RIMS1: variants seen among roughly 807,000 people sequenced by gnomAD.
RIMS1 encodes regulating synaptic membrane exocytosis protein 1.
In RIMS1, 83 loss-of-function variants were observed where a neutral mutation model predicts 214.1. The observed-to-expected ratio is 0.39, with a 90% CI of 0.32 to 0.47. The LOEUF (loss-of-function observed/expected upper bound fraction) is 0.47, where lower values mean the gene tolerates loss of function less well. Ranked by LOEUF, RIMS1 falls within the 20% of genes least tolerant of loss-of-function variation. The pLI, the probability that RIMS1 is intolerant of heterozygous loss-of-function variation, is 0.99. For missense variants in RIMS1, 2,050 were observed against 2,161.8 expected, an observed-to-expected ratio of 0.95 and a Z score of 1.03; for synonymous variants, 793 against 786.8, an observed-to-expected ratio of 1.01 and a Z score of -0.13.
chr6:72,099,458 T>C (rs1037945075), intron 3 of RIMS1, among the ~76,000 whole-genome samples: 7 of 152,204 alleles, frequency 4.6e-5, no homozygotes, highest in African/African-American at 1.7e-4. Context: ...AAATAAATAT[T>C]GCCTGTGGAA....
At chr6:72,003,988 T>C (rs960373521) in intron 2 of RIMS1, among the ~76,000 whole-genome samples, 4 of 149,408 alleles carry the variant, frequency 2.7e-5, no homozygotes, top group African/African-American at 9.8e-5. Flanking sequence ...CATTTAGCAT[T>C]AGGTGTATCT....
At chr6:72,103,483 A>G (rs538767115) in intron 4 of RIMS1, among the ~76,000 whole-genome samples, 1 of 152,134 alleles carries the variant, frequency 6.6e-6, no homozygotes, top group Non-Finnish European at 1.5e-5. Flanking sequence ...TCAAGAAATT[A>G]TAATTTTTCA....
At chr6:72,215,278 C>T (rs1263907397) in intron 6 of RIMS1, among the ~76,000 whole-genome samples, 1 of 152,168 alleles carries the variant, frequency 6.6e-6, no homozygotes, top group Non-Finnish European at 1.5e-5. Context: ...AAATCTTCAC[C>T]ACCTCAAAAC....
chr6:72,182,325 C>T lies in RIMS1; in HGVS notation c.854C>T (p.Ala285Val), dbSNP rs1222175578. 6.2e-7 allele frequency: 1 copy of T among 1,610,488 alleles called. No homozygotes were observed. ...PGLSEQNGKG[A>V]LKSERKRVPK... ...CTTTCCGAGCAGAATGGCAAAGGAG[C>T]CCTGAAGAGCGAGCGGAAACGCGTG... Residue 285 changes from alanine (A) to valine (V), a missense_variant, in exon 6 of 34, where the codon GCC (alanine) becomes GTC (valine). Transcript: ENST00000521978.
At chr6:71,916,940 T>A (rs1001343035) in intron 1 of RIMS1, among the ~76,000 whole-genome samples, 5 of 152,160 alleles carry the variant, frequency 3.3e-5, no homozygotes, top group Admixed American at 1.3e-4. Context: ...TGACAGCCAA[T>A]GTTCCTACCC....
chr6:72,048,418 G>A (rs891843275), intron 2 of RIMS1, among the ~76,000 whole-genome samples: 1 of 152,114 alleles, frequency 6.6e-6, no homozygotes, highest in East Asian at 1.9e-4. Flanking sequence ...CAAAAGCACA[G>A]TATTCTTTAA....
intron 6 of RIMS1, among the ~76,000 whole-genome samples, chr6:72,225,622 CAAAT>C (rs1562768519): frequency 1.3e-5 from 2 of 152,136 alleles, no homozygotes; most frequent in South Asian, 2.1e-4. Context: ...ACAATGAAAA[CAAAT>C]AAACCCCAAT....
At chr6:71,986,425 AGAAG>A (rs548998985) in intron 2 of RIMS1, among the ~76,000 whole-genome samples, 98 of 152,324 alleles carry the variant, frequency 6.4e-4, no homozygotes, top group Non-Finnish European at 1.1e-3. Context: ...ACAACCAGAT[AGAAG>A]GCTAAGGCAA....
chr6:72,387,563 C>G (rs896496244), intron 29 of RIMS1, among the ~76,000 whole-genome samples: 9 of 152,192 alleles, frequency 5.9e-5, no homozygotes, highest in African/African-American at 2.2e-4. Context: ...CAAAACTAAA[C>G]TAAACAGCAT....
chr6:72,113,258 G>T (rs183354186), intron 4 of RIMS1, among the ~76,000 whole-genome samples: 2 of 151,992 alleles, frequency 1.3e-5, no homozygotes, highest in African/African-American at 4.8e-5. Flanking sequence ...CCATTCATCC[G>T]TCTTGGATCA....
chr6:72,111,924 A>G (rs1284514091), intron 4 of RIMS1, among the ~76,000 whole-genome samples: 1 of 152,106 alleles, frequency 6.6e-6, no homozygotes, highest in Non-Finnish European at 1.5e-5. Flanking sequence ...AAGTATCTAT[A>G]ACAGAGTTCT....
chr6:71,946,089 A>C (rs1171155244), intron 1 of RIMS1, among the ~76,000 whole-genome samples: 2 of 152,218 alleles, frequency 1.3e-5, no homozygotes, highest in Non-Finnish European at 1.5e-5. Context: ...AAAATAAAAT[A>C]CTGTGGAATA....
intron 2 of RIMS1, among the ~76,000 whole-genome samples, chr6:72,080,074 TAAAAAAAAAAAAAAA>T (rs770845471): frequency 4.0e-4 from 9 of 22,404 alleles, no homozygotes; most frequent in East Asian, 1.7e-3. Flanking sequence ...GTGTCTCTAC[TAAAAAAAAAAAAAAA>T]AAAAAAAAAA....
Position 71,931,651 on chromosome 6 carries a change from T to C in RIMS1, c.165-37332T>C, listed in dbSNP as rs143459354. On this transcript the variant is annotated intron_variant, in intron 1 of 33. Coordinates refer to ENST00000521978, the MANE Select transcript of RIMS1 (RefSeq NM_014989.7). ...CTTATAGACCCTGGATATTAGACCC[T>C]TGTTGGATGCATAGTTTGCAGAAAT... Among the ~76,000 whole-genome samples, 691 of 152,168 alleles carry C rather than the reference T, an allele frequency of 4.5e-3. 5 individuals carry two copies. Among genetic ancestry groups the C allele is most frequent in the African/African-American group, 0.016 (648 of 41,556 alleles).
chr6:72,244,596 AAT>A (rs2068546396), intron 10 of RIMS1, among the ~76,000 whole-genome samples: 1 of 151,840 alleles, frequency 6.6e-6, no homozygotes, highest in Admixed American at 6.6e-5. Flanking sequence ...AAAGTAGCAG[AAT>A]ATATAGTTTT....
At chr6:72,262,038 C>T (rs992806351) in intron 19 of RIMS1, 28 of 984,380 alleles carry the variant, frequency 2.8e-5, no homozygotes, top group Non-Finnish European at 6.0e-6. Flanking sequence ...ACTAAAGCTT[C>T]AAAAGAAATA....
chr6:72,182,564 C>T lies in RIMS1; in HGVS notation c.1093C>T (p.Pro365Ser), dbSNP rs374226695. Reference sequence around the variant, plus strand: ...CAGCGACCCGAACCTAGCTCGGTACCCGGTGAAACCGCCGCCTGAGGAGCA... The same window carrying T: ...CAGCGACCCGAACCTAGCTCGGTACTCGGTGAAACCGCCGCCTGAGGAGCA... ...YRSDPNLARY[P>S]VKPPPEEQQM... is the part of the protein sequence containing the mutation. The change falls in exon 6 of 34, where the codon CCG becomes TCG. Residue 365 changes from proline (P) to serine (S), a missense_variant. Physicochemically the swap from Pro to Ser is moderately conservative, Grantham distance 74 (BLOSUM62 -1). Around this residue, in one of 6 missense-constraint regions of RIMS1, gnomAD observed 882 missense variants for 828.9 expected, o/e 1.06. Transcript: ENST00000521978. 1.9e-6 allele frequency: 3 copies of T among 1,550,228 alleles called. No homozygotes were observed. The highest frequency in any genetic ancestry group is 2.6e-6 in the Non-Finnish European group (3 of 1,147,616).
chr6:72,220,690 A>C (rs1397424368), intron 6 of RIMS1, among the ~76,000 whole-genome samples: 1 of 152,084 alleles, frequency 6.6e-6, no homozygotes, highest in Non-Finnish European at 1.5e-5. Flanking sequence ...AAATCTCCAA[A>C]AGATAAATAT....
intron 8 of RIMS1, among the ~76,000 whole-genome samples, chr6:72,236,990 G>A (rs2064393665): frequency 6.6e-6 from 1 of 152,016 alleles, no homozygotes; most frequent in African/African-American, 2.4e-5. Context: ...CTTGAGCCCA[G>A]GAGTTAGGAA....
Sources: gnomAD v4.1 joint callset for allele counts (sites outside exome capture counted in the v4.1 genomes callset) on GRCh38, gnomAD v4.1.1 for gene constraint, gnomAD v4.1.1 regional missense constraint, MANE v1.5 for transcripts, NCBI Gene and HGNC (gene_info 2026-07-23, HGNC 2026-07-21) for gene names.